The following SMAD9 variants were observed in gnomAD, a reference collection of about 807,000 sequenced individuals.
SMAD9 encodes MAD homolog 9.
A neutral mutation model predicts 46.1 loss-of-function variants in SMAD9; 36 were observed. The observed-to-expected ratio is 0.78, with a 90% CI of 0.60 to 1.03. The LOEUF (loss-of-function observed/expected upper bound fraction) is 1.03, where lower values mean the gene tolerates loss of function less well. SMAD9 is among the 50% of genes least tolerant of loss of function. The pLI is 0.00. For synonymous variants in SMAD9, 245 were observed against 237.1 expected (o/e 1.03, Z -0.31); for missense variants, 572 against 599.8 (o/e 0.95, Z 0.48).
chr13:36,909,495 T>C, intron 1 of SMAD9, among the ~76,000 whole-genome samples: 1 of 152,198 alleles, frequency 6.6e-6, no homozygotes, highest in South Asian at 2.1e-4. Context: ...AAACTGTATA[T>C]AATTTACACA....
chr13:36,894,779 A>C (rs554969110), intron 1 of SMAD9, among the ~76,000 whole-genome samples: 1 of 151,490 alleles, frequency 6.6e-6, no homozygotes, highest in South Asian at 2.1e-4. Context: ...GGAGAACCCC[A>C]CCTCCCCTGG....
chr13:36,904,570 G>C lies in SMAD9; in HGVS notation c.-187+15546C>G, dbSNP rs573467185. On this transcript the variant is annotated intron_variant, in intron 1 of 6. Coordinates refer to ENST00000379826, the MANE Select transcript of SMAD9 (RefSeq NM_001127217.3). ...GGCCATGGGCAAATACATTGCCTCA[G>C]GCAATTTATTACCTCATCTGCAAAA... 2.0e-5 allele frequency among the ~76,000 whole-genome samples: 3 copies of C among 152,240 alleles called. No individual in the cohort carries two copies. In the South Asian group the frequency reaches 6.2e-4, roughly 32 times the overall value.
At chr13:36,850,041 T>C (rs1282195603) in intron 6 of SMAD9, 1 of 152,198 alleles carries the variant, frequency 6.6e-6, no homozygotes, top group East Asian at 1.9e-4. Context: ...CCATCTCAAT[T>C]TGTCTCCTTC....
intron 1 of SMAD9, among the ~76,000 whole-genome samples, chr13:36,892,062 A>T (rs945945080): frequency 6.6e-6 from 1 of 152,216 alleles, no homozygotes; most frequent in Non-Finnish European, 1.5e-5. Context: ...CCATGTTGAA[A>T]TATTTTTGTC....
intron 3 of SMAD9, among the ~76,000 whole-genome samples, chr13:36,871,363 C>G (rs1003557283): frequency 1.3e-4 from 20 of 152,064 alleles, no homozygotes; most frequent in African/African-American, 4.8e-4. Flanking sequence ...ACTAAAAATG[C>G]AAAAACTAGC....
intron 2 of SMAD9, among the ~76,000 whole-genome samples, chr13:36,875,481 GAACA>G (rs1390763278): frequency 6.6e-6 from 1 of 151,972 alleles, no homozygotes; most frequent in Non-Finnish European, 1.5e-5. Context: ...TGACACCAGA[GAACA>G]AACATTCAAC....
At position 36,879,765 on chromosome 13, in the gene SMAD9, C is replaced by T; in HGVS notation, c.-76G>A. 1 of 1,556,142 alleles carries T rather than the reference C, an allele frequency of 6.4e-7. No homozygotes were observed. Among genetic ancestry groups the T allele is most frequent in the Admixed American group, 1.7e-5 (1 of 59,760 alleles). ...GGCAAAGTGGGCGGCGAGTAGCTCT[C>T]CAGGGGTGGCATAGGGACCAACCCG... On this transcript the variant is annotated 5_prime_UTR_variant, in exon 2 of 7. Transcript: ENST00000379826.
chr13:36,894,329 T>A (rs1411083452), intron 1 of SMAD9, among the ~76,000 whole-genome samples: 1 of 152,008 alleles, frequency 6.6e-6, no homozygotes, highest in African/African-American at 2.4e-5. Flanking sequence ...TTCTAAGGGG[T>A]TTCCTCTTTC....
intron 5 of SMAD9, among the ~76,000 whole-genome samples, chr13:36,856,798 CTTTTT>C (rs34107763): frequency 4.9e-5 from 6 of 123,434 alleles, no homozygotes; most frequent in Admixed American, 4.1e-4. Context: ...GTGACCTGCA[CTTTTT>C]TTTTTTTTTT....
At chr13:36,901,575 G>A (rs558370265) in intron 1 of SMAD9, among the ~76,000 whole-genome samples, 9 of 152,030 alleles carry the variant, frequency 5.9e-5, no homozygotes, top group African/African-American at 1.7e-4. Flanking sequence ...CTACAGGCAC[G>A]TGCCACCATG....
chr13:36,855,862 T>C (rs775412536), intron 5 of SMAD9, among the ~76,000 whole-genome samples: 11 of 152,218 alleles, frequency 7.2e-5, no homozygotes, highest in Non-Finnish European at 1.3e-4. Context: ...GTCGCACAGC[T>C]AAAGCACAGC....
In SMAD9 at chr13:36,879,766, C is replaced by T; in HGVS notation, c.-77G>A. 1 of 1,554,804 alleles carries T rather than the reference C, an allele frequency of 6.4e-7. No individual in the cohort carries two copies. Among genetic ancestry groups the T allele is most frequent in the Non-Finnish European group, 8.8e-7 (1 of 1,135,706 alleles). ...GCAAAGTGGGCGGCGAGTAGCTCTC[C>T]AGGGGTGGCATAGGGACCAACCCGC... On this transcript the variant is annotated 5_prime_UTR_variant, in exon 2 of 7. Transcript: ENST00000379826.
At chr13:36,908,340 T>C (rs1295250875) in intron 1 of SMAD9, among the ~76,000 whole-genome samples, 1 of 152,180 alleles carries the variant, frequency 6.6e-6, no homozygotes, top group Non-Finnish European at 1.5e-5. Context: ...AAACAAATAA[T>C]TAAATACAAC....
chr13:36,911,609 G>T, intron 1 of SMAD9, among the ~76,000 whole-genome samples: 1 of 67,372 alleles, frequency 1.5e-5, no homozygotes, highest in Admixed American at 1.2e-4. Context: ...CCGGCCAAAG[G>T]CTGCCTGGGG....
At chr13:36,911,545 T>G (rs1005074877) in intron 1 of SMAD9, among the ~76,000 whole-genome samples, 1 of 148,932 alleles carries the variant, frequency 6.7e-6, no homozygotes, top group Non-Finnish European at 1.5e-5. Flanking sequence ...TTTTTAATGA[T>G]GTGTGGGCAA....
chr13:36,857,035 C>T (rs1182010176), intron 5 of SMAD9, among the ~76,000 whole-genome samples: 1 of 151,602 alleles, frequency 6.6e-6, no homozygotes. Flanking sequence ...AACTCCTGAC[C>T]TCAGGTGATC....
In SMAD9 at chr13:36,872,740, C is replaced by CTTCT. The variant is rs1303563578; in HGVS notation, c.587_588insAGAA (p.Phe197GlufsTer20). 1.2e-6 allele frequency: 2 copies of CTTCT among 1,613,828 alleles called. No individual in the cohort carries two copies. Among genetic ancestry groups the CTTCT allele is most frequent in the African/African-American group, 2.7e-5 (2 of 74,860 alleles). ...TGGCCGTGCACGGGGACTGGGAGAACGCGTGGCTGGGTGAGGGAGGGAGTG... is the reference window on the plus strand; with the variant it reads ...TGGCCGTGCACGGGGACTGGGAGAACTTCTGCGTGGCTGGGTGAGGGAGGGAGTG... On this transcript the variant is annotated frameshift_variant, in exon 3 of 7. Transcript: ENST00000379826. LOFTEE classifies it high-confidence loss of function.
chr13:36,879,929 A>G, intron 1 of SMAD9, 54 bp from the exon 2 acceptor site: 1 of 500,706 alleles, frequency 2.0e-6, no homozygotes, highest in Non-Finnish European at 3.6e-6. Flanking sequence ...ATTCAGAAAA[A>G]GTTGAAGTTG....
intron 1 of SMAD9, among the ~76,000 whole-genome samples, chr13:36,906,207 G>C (rs1285187408): frequency 6.6e-6 from 1 of 151,902 alleles, no homozygotes; most frequent in Non-Finnish European, 1.5e-5. Flanking sequence ...TCTTATGCTG[G>C]CTAGGTATCT....
Sources: gnomAD v4.1 joint callset for allele counts (sites outside exome capture counted in the v4.1 genomes callset) on GRCh38, gnomAD v4.1.1 for gene constraint, MANE v1.5 for transcripts, NCBI Gene and HGNC (gene_info 2026-07-23, HGNC 2026-07-21) for gene names.